GUF1: variants seen among roughly 807,000 people sequenced by gnomAD.
GUF1 encodes the protein GTP binding elongation factor GUF1.
GUF1 carries 78 observed loss-of-function variants against 82.4 expected under a neutral mutation model. That is an observed-to-expected ratio of 0.95 (90% confidence interval 0.79 to 1.14). GUF1 has a LOEUF of 1.14. Ranked by LOEUF, GUF1 falls within the 50% of genes most tolerant of loss-of-function variation. The probability of loss-of-function intolerance (pLI) is 0.00; values close to 1 mark genes in which losing one functional copy is unlikely to be tolerated. For synonymous variants in GUF1, 279 were observed against 282.3 expected (o/e 0.99, Z 0.12); for missense variants, 814 against 798.2 (o/e 1.02, Z -0.24).
intron 1 of GUF1, among the ~76,000 whole-genome samples, chr4:44,679,809 T>C (rs1714659767): frequency 6.6e-6 from 1 of 152,186 alleles, no homozygotes; most frequent in South Asian, 2.1e-4. Flanking sequence ...TTGATAACAA[T>C]TTCTAGCAAT....
Position 44,682,331 on chromosome 4 carries a change from C to A in GUF1, c.508-3C>A. On this transcript the variant is annotated splice_polypyrimidine_tract_variant and splice_region_variant and intron_variant, in intron 4 of 16. Transcript: ENST00000281543. ...TCAGTATCTTGTATCTTGATATTTT[C>A]AGGGAATTCAAGCCCAAACTGTAGC... 6.7e-7 allele frequency: 1 copy of A among 1,497,552 alleles called. No homozygotes were observed. Among genetic ancestry groups the A allele is most frequent in the Non-Finnish European group, 8.9e-7 (1 of 1,118,332 alleles). The allele number at this position is 1,497,552 out of a possible 1,614,324, so 92.8% of individuals were successfully genotyped here. A position where few individuals can be genotyped will look rare whatever the true frequency, so the allele number is the denominator to read the frequency against.
At chr4:44,692,964 C>G (rs557648284) in intron 13 of GUF1, among the ~76,000 whole-genome samples, 3 of 151,974 alleles carry the variant, frequency 2.0e-5, no homozygotes, top group Admixed American at 1.3e-4. Flanking sequence ...TCTTAAAAAG[C>G]CTTGTCGTTT....
chr4:44,695,543 G>GC, intron 14 of GUF1, 72 bp from the exon 15 acceptor site: 4 of 1,321,492 alleles, frequency 3.0e-6, no homozygotes, highest in Non-Finnish European at 2.1e-6. Flanking sequence ...CACTGATTAT[G>GC]CAACTGGCCT....
chr4:44,693,550 TAG>T (rs1394371892), intron 13 of GUF1, among the ~76,000 whole-genome samples: 1 of 152,072 alleles, frequency 6.6e-6, no homozygotes, highest in Non-Finnish European at 1.5e-5. Flanking sequence ...AATCTGTTAA[TAG>T]AGTGTATTAT....
chr4:44,684,301 G>A (rs188268497), intron 6 of GUF1, among the ~76,000 whole-genome samples: 56 of 152,184 alleles, frequency 3.7e-4, no homozygotes, highest in African/African-American at 9.4e-4. Flanking sequence ...AAACTGAAAC[G>A]TGGAGGAATG....
Sources: gnomAD v4.1 joint callset for allele counts (sites outside exome capture counted in the v4.1 genomes callset) on GRCh38, gnomAD v4.1.1 for gene constraint, MANE v1.5 for transcripts, NCBI Gene and HGNC (gene_info 2026-07-23, HGNC 2026-07-21) for gene names.